COL6A6: variants seen among roughly 807,000 people sequenced by gnomAD.
The protein encoded by COL6A6 is collagen alpha-6(VI) chain.
COL6A6 carries 183 observed loss-of-function variants against 208.6 expected under a neutral mutation model. That is an observed-to-expected ratio of 0.88 (90% CI 0.78 to 0.99). The LOEUF (loss-of-function observed/expected upper bound fraction) is 0.99, where lower values mean the gene tolerates loss of function less well. COL6A6 is among the 50% of genes least tolerant of loss of function. The probability of loss-of-function intolerance (pLI) is 0.00; values close to 1 mark genes in which losing one functional copy is unlikely to be tolerated. For synonymous variants in COL6A6, 973 were observed against 1,011.8 expected (o/e 0.96, Z 0.73); for missense variants, 2,816 against 2,815.2 (o/e 1.00, Z -0.01).
chr3:130,617,571 T>C (rs1663523232), intron 23 of COL6A6, among the ~76,000 whole-genome samples: 1 of 152,176 alleles, frequency 6.6e-6, no homozygotes, highest in African/African-American at 2.4e-5. Context: ...TAAGGACTAG[T>C]ACTGTCAAGA....
chr3:130,528,918 C>T (rs1482676472), intron 1 of COL6A6, among the ~76,000 whole-genome samples: 4 of 152,154 alleles, frequency 2.6e-5, no homozygotes, highest in Admixed American at 6.5e-5. Context: ...GTTGCATAAC[C>T]CTCTCTCTCC....
chr3:130,565,618 A>G lies in COL6A6; in HGVS notation c.1282+4A>G. On this transcript the variant is annotated splice_donor_region_variant and intron_variant, in intron 4 of 36. Coordinates refer to ENST00000358511, the MANE Select transcript of COL6A6 (RefSeq NM_001102608.3). ...AGGACTGAAACGCTCAAATCTGGTAAGGTCTTCTGCTGAAAGAAGGGTTGT... is the reference window on the plus strand; with the variant it reads ...AGGACTGAAACGCTCAAATCTGGTAGGGTCTTCTGCTGAAAGAAGGGTTGT... 8 of 1,606,256 alleles carry G rather than the reference A, an allele frequency of 5.0e-6. No homozygotes were observed. Among genetic ancestry groups the G allele is most frequent in the Non-Finnish European group, 6.8e-6 (8 of 1,175,928 alleles).
chr3:130,664,817 T>A (rs571201329), intron 35 of COL6A6, among the ~76,000 whole-genome samples, 186 bp from the exon 36 acceptor site: 1 of 152,316 alleles, frequency 6.6e-6, no homozygotes, highest in African/African-American at 2.4e-5. Flanking sequence ...TCAGAAGGGA[T>A]GTGTTTTCTA....
At chr3:130,612,369 T>C (rs1226310002) in intron 23 of COL6A6, among the ~76,000 whole-genome samples, 3 of 152,184 alleles carry the variant, frequency 2.0e-5, no homozygotes, top group Admixed American at 6.5e-5. Context: ...CTTTCCACAA[T>C]GGCTGAACTA....
intron 1 of COL6A6, among the ~76,000 whole-genome samples, chr3:130,547,024 C>T (rs1032090135): frequency 7.2e-5 from 11 of 152,282 alleles, no homozygotes; most frequent in African/African-American, 1.9e-4. Flanking sequence ...TGCATGGGGG[C>T]AGCAGGTGGA....
chr3:130,675,708 G>T lies in COL6A6; in HGVS notation c.*311G>T, dbSNP rs2066342877. ...ATGATGTATGCATATGTGTACATGG[G>T]TCAATGTTAATTCTTTTATCTCTGT... On this transcript the variant is annotated 3_prime_UTR_variant, in exon 37 of 37. Transcript: ENST00000358511. The T allele has an allele frequency of 4.9e-6, 1 of 205,176 alleles. No homozygotes were observed. The highest frequency in any genetic ancestry group is 9.7e-6 in the Non-Finnish European group (1 of 102,810). 12.7% of individuals were successfully genotyped at this position (205,176 alleles called of 1,614,324 possible). A position where few individuals can be genotyped will look rare whatever the true frequency, so the allele number is the denominator to read the frequency against.
intron 20 of COL6A6, among the ~76,000 whole-genome samples, chr3:130,601,802 CAG>C (rs775976083): frequency 1.1e-4 from 16 of 152,328 alleles, no homozygotes; most frequent in African/African-American, 3.4e-4. Context: ...AATGGCGAAA[CAG>C]AGAATAACCA....
chr3:130,626,554 AT>A lies in COL6A6; in HGVS notation c.4941+11del. ...TGGTCCTCGTGGCTTGCAGGTTTGT[AT>A]TTTGACACTAGTTTTGATCGGATTC... On this transcript the variant is annotated splice_region_variant and intron_variant, in intron 25 of 36. Coordinates refer to ENST00000358511, the MANE Select transcript of COL6A6 (RefSeq NM_001102608.3). 6.2e-7 allele frequency: 1 copy of A among 1,604,166 alleles called. No individual in the cohort carries two copies. Among genetic ancestry groups the A allele is most frequent in the Non-Finnish European group, 8.5e-7 (1 of 1,171,034 alleles).
intron 11 of COL6A6, among the ~76,000 whole-genome samples, chr3:130,588,627 T>C (rs962932003): frequency 2.0e-5 from 3 of 152,184 alleles, no homozygotes; most frequent in African/African-American, 4.8e-5. Flanking sequence ...ACATGTTACA[T>C]TGGGCACTGT....
At position 130,649,076 on chromosome 3, in the gene COL6A6, G is replaced by T; in HGVS notation, c.5247G>T (p.Pro1749=). The T allele has an allele frequency of 6.4e-7, 1 of 1,559,000 alleles. No homozygotes were observed. Among genetic ancestry groups the T allele is most frequent in the East Asian group, 2.4e-5 (1 of 41,920 alleles). The change falls in exon 33 of 37, where the codon CCG becomes CCT. Residue 1749 remains proline, a synonymous_variant. Transcript: ENST00000358511. The stretch of plus-strand genomic sequence containing the variant: ...AGGGATATGGTCTTTTAGGAAAACC[G>T]GAATGCCCAGTGCACCCAACCGAGT... ...RDRSPGRHGK[P]ECPVHPTELV... is the part of the protein sequence containing the mutation.
intron 23 of COL6A6, among the ~76,000 whole-genome samples, chr3:130,617,897 T>C (rs1576339525): frequency 6.6e-6 from 1 of 152,274 alleles, no homozygotes; most frequent in East Asian, 1.9e-4. Context: ...CCAAGTGCAA[T>C]CTCTTCTGAT....
chr3:130,642,969 T>C lies in COL6A6; in HGVS notation c.5191-18T>C. On this transcript the variant is annotated intron_variant, in intron 30 of 36. Coordinates refer to ENST00000358511, the MANE Select transcript of COL6A6 (RefSeq NM_001102608.3). ...CAGTTTGTTGTTTAATTGTTTCTGT[T>C]TTATTTTCGAACTGCAGACATGTGA... is the stretch of plus-strand genomic sequence containing the variant. 6.2e-7 allele frequency: 1 copy of C among 1,613,886 alleles called. No homozygotes were observed. Among genetic ancestry groups the C allele is most frequent in the Non-Finnish European group, 8.5e-7 (1 of 1,179,790 alleles).
At chr3:130,574,930 A>G (rs1028611165) in intron 8 of COL6A6, among the ~76,000 whole-genome samples, 1 of 152,198 alleles carries the variant, frequency 6.6e-6, no homozygotes, top group Admixed American at 6.5e-5. Flanking sequence ...ACAGGTAGGT[A>G]AGAAACCTCC....
chr3:130,611,825 G>A (rs1422944712), intron 23 of COL6A6, among the ~76,000 whole-genome samples: 1 of 152,128 alleles, frequency 6.6e-6, no homozygotes, highest in Non-Finnish European at 1.5e-5. Flanking sequence ...ACACGTGCAG[G>A]TTGGTTATGC....
At chr3:130,523,016 A>G (rs1413859467) in intron 1 of COL6A6, among the ~76,000 whole-genome samples, 2 of 151,790 alleles carry the variant, frequency 1.3e-5, no homozygotes, top group African/African-American at 4.8e-5. Flanking sequence ...GGCTTTAGGT[A>G]AAATCCAAAA....
chr3:130,647,288 T>TA (rs1034528984), intron 32 of COL6A6, among the ~76,000 whole-genome samples: 37 of 152,274 alleles, frequency 2.4e-4, no homozygotes, highest in African/African-American at 8.7e-4. Flanking sequence ...GTTTTTCCCC[T>TA]AAAAAAACTT....
intron 1 of COL6A6, among the ~76,000 whole-genome samples, chr3:130,534,556 A>G (rs75202872): frequency 0.012 from 1,846 of 152,256 alleles, 37 homozygotes; most frequent in African/African-American, 0.041. Context: ...ATTTTGACAT[A>G]CTGCCTTTGG....
Position 130,565,249 on chromosome 3 carries a change from C to T in COL6A6, c.917C>T (p.Ala306Val), listed in dbSNP as rs2062988433. ...AACCTTTCTCCCCGAACTGGGAAGG[C>T]CTATACTGGAGCTGCCATCAAAAAG... ...IQNLSPRTGK[A>V]YTGAAIKKLR... The change falls in exon 4 of 37, where the codon GCC becomes GTC. Residue 306 changes from alanine to valine, a missense_variant. Ala to Val is a moderately conservative substitution (Grantham distance 64, BLOSUM62 0). Transcript: ENST00000358511. 3 of 1,613,880 alleles carry T rather than the reference C, an allele frequency of 1.9e-6. No individual in the cohort carries two copies. Among genetic ancestry groups the T allele is most frequent in the Non-Finnish European group, 2.5e-6 (3 of 1,179,910 alleles).
chr3:130,571,012 T>C lies in COL6A6; in HGVS notation c.2596T>C (p.Phe866Leu), dbSNP rs1156412738. ...DPEVLFYLDD[F>L]GTKLEVISVL... is the part of the protein sequence containing the mutation. ...AGAGGTGCTGTTTTATCTGGATGAC[T>C]TTGGCACAAAACTGGAGGTAATTTC... The change falls in exon 7 of 37, where the codon TTT (phenylalanine) becomes CTT (leucine). Residue 866 changes from phenylalanine to leucine, a missense_variant. Physicochemically the swap from Phe to Leu is conservative, Grantham distance 22. Coordinates refer to ENST00000358511, the MANE Select transcript of COL6A6 (RefSeq NM_001102608.3). 3.7e-6 allele frequency: 6 copies of C among 1,613,986 alleles called. No individual in the cohort carries two copies. Among genetic ancestry groups the C allele is most frequent in the Non-Finnish European group, 5.1e-6 (6 of 1,179,866 alleles).
Sources: gnomAD v4.1 joint callset for allele counts (sites outside exome capture counted in the v4.1 genomes callset) on GRCh38, gnomAD v4.1.1 for gene constraint, MANE v1.5 for transcripts, NCBI Gene and HGNC (gene_info 2026-07-23, HGNC 2026-07-21) for gene names.